ZNF131: variants seen among roughly 807,000 people sequenced by gnomAD.
ZNF131 encodes the protein zinc finger protein 131.
A neutral mutation model predicts 60.0 loss-of-function variants in ZNF131; 7 were observed. The ratio of observed to expected loss-of-function variants is 0.12; its 90% CI spans 0.07 to 0.22. The LOEUF is 0.22. Among genes scored for constraint, ZNF131 ranks in the 10% least tolerant of loss-of-function variants. The pLI, the probability that ZNF131 is intolerant of heterozygous loss-of-function variation, is 1.00. For missense variants in ZNF131, 493 were observed against 740.9 expected, an observed-to-expected ratio of 0.67 and a Z score of 3.88; for synonymous variants, 257 against 253.2, an observed-to-expected ratio of 1.01 and a Z score of -0.14.
intron 4 of ZNF131, among the ~76,000 whole-genome samples, chr5:43,143,057 A>G (rs1278460895): frequency 2.9e-5 from 4 of 138,864 alleles, no homozygotes; most frequent in Non-Finnish European, 6.1e-5. Context: ...ACAGAGTCTC[A>G]CTGTTACCAG....
chr5:43,121,637 CGTT>C (rs1450482116), intron 1 of ZNF131: 1 of 152,164 alleles, frequency 6.6e-6, no homozygotes, highest in Non-Finnish European at 1.4e-5. Flanking sequence ...ACCCGAGAGT[CGTT>C]GTGGGTCGCG....
Position 43,122,159 on chromosome 5 carries a change from A to G in ZNF131, c.106A>G (p.Ile36Val), listed in dbSNP as rs760947665. ...EQREQDRFTD[I>V]TLIVDGHHFK... ...GCGAGAGCAGGACCGGTTTACTGACATCACCCTAATTGTCGACGGTGGGTA... is the reference window on the plus strand; with the variant it reads ...GCGAGAGCAGGACCGGTTTACTGACGTCACCCTAATTGTCGACGGTGGGTA... The change falls in exon 2 of 7, where the codon ATC becomes GTC. Residue 36 changes from isoleucine to valine, a missense_variant. Coordinates refer to ENST00000682664, the MANE Select transcript of ZNF131 (RefSeq NM_001330707.2). 3 of 1,613,452 alleles carry G rather than the reference A, an allele frequency of 1.9e-6. No individual in the cohort carries two copies. The highest frequency in any genetic ancestry group is 2.5e-6 in the Non-Finnish European group (3 of 1,179,904).
chr5:43,149,174 G>GT (rs1747989459), intron 4 of ZNF131, among the ~76,000 whole-genome samples: 1 of 152,232 alleles, frequency 6.6e-6, no homozygotes, highest in Admixed American at 6.5e-5. Context: ...GGGAGGCTGA[G>GT]GGGGGAGAAT....
intron 3 of ZNF131, among the ~76,000 whole-genome samples, chr5:43,135,375 A>G (rs1313337846): frequency 6.6e-6 from 1 of 152,188 alleles, no homozygotes; most frequent in Non-Finnish European, 1.5e-5. Flanking sequence ...TTGACACCAT[A>G]AAGAATAAAG....
chr5:43,142,178 A>G (rs1746925859), intron 4 of ZNF131, among the ~76,000 whole-genome samples: 1 of 151,292 alleles, frequency 6.6e-6, no homozygotes, highest in Admixed American at 6.6e-5. Flanking sequence ...CATCTCTACT[A>G]AAAATACAAA....
At chr5:43,161,217 G>C in intron 4 of ZNF131, 32 bp from the exon 5 acceptor site, 1 of 1,536,246 alleles carries the variant, frequency 6.5e-7, no homozygotes, top group Non-Finnish European at 8.7e-7. Flanking sequence ...TCTTCTTATA[G>C]ATTTTTTAAA....
chr5:43,130,263 C>CAAAAA lies in ZNF131; in HGVS notation c.226+6953_226+6954insAAAAA, dbSNP rs765959932. On this transcript the variant is annotated intron_variant, in intron 3 of 6. Transcript: ENST00000682664. ...TGAGCGATAGAGTAAGACTCTGTCT[C>CAAAAA]CAAAAAAAAAAAAAAAAAAGAGGAA... 6.9e-4 allele frequency among the ~76,000 whole-genome samples: 23 copies of CAAAAA among 33,156 alleles called. 2 individuals are homozygous for CAAAAA. The highest frequency in any genetic ancestry group is 2.6e-3 in the South Asian group (1 of 390). 21.8% of individuals were successfully genotyped at this position (33,156 alleles called of 152,430 possible). A position where few individuals can be genotyped will look rare whatever the true frequency, so the allele number is the denominator to read the frequency against.
At chr5:43,130,922 G>A (rs951658633) in intron 3 of ZNF131, among the ~76,000 whole-genome samples, 2 of 151,532 alleles carry the variant, frequency 1.3e-5, no homozygotes, top group African/African-American at 4.9e-5. Flanking sequence ...GGAGTGCAGT[G>A]GCATGATCTC....
rs1015755591 is a variant in ZNF131, at chr5:43,131,106, C to G, written c.226+7796C>G. Among the ~76,000 whole-genome samples the G allele has an allele frequency of 6.6e-5, 10 of 152,026 alleles. No homozygotes were observed. In the East Asian group the frequency reaches 1.9e-3, roughly 29 times the overall value. On this transcript the variant is annotated intron_variant, in intron 3 of 6. Transcript: ENST00000682664. ...TCTTGAACTCCTGACCTCAGGTGATCTGTCCATCTTGGCCTCCCAGAGTGC... is the reference window on the plus strand; with the variant it reads ...TCTTGAACTCCTGACCTCAGGTGATGTGTCCATCTTGGCCTCCCAGAGTGC...
intron 3 of ZNF131, among the ~76,000 whole-genome samples, chr5:43,134,714 T>TC (rs1175395314): frequency 9.6e-5 from 14 of 145,594 alleles, no homozygotes; most frequent in African/African-American, 3.6e-4. Flanking sequence ...TTTTTTTTTT[T>TC]TGGGAGACAG....
At position 43,161,373 on chromosome 5, in the gene ZNF131, G is replaced by C. The variant is rs769347409; in HGVS notation, c.496G>C (p.Val166Leu). The C allele has an allele frequency of 1.2e-6, 2 of 1,614,242 alleles. No individual in the cohort carries two copies. The highest frequency in any genetic ancestry group is 1.7e-6 in the Non-Finnish European group (2 of 1,180,038). ...ESLPSAESEPVEIEVEIAEGT... is the reference protein window; with the variant it reads ...ESLPSAESEPLEIEVEIAEGT... ...ATTGCCATCTGCAGAATCAGAACCT[G>C]TTGAAATTGAGGTAGAGATTGCCGA... Residue 166 changes from valine to leucine, a missense_variant, in exon 5 of 7, where the codon GTT becomes CTT. Physicochemically the swap from Val to Leu is conservative, Grantham distance 32 (BLOSUM62 1). Coordinates refer to ENST00000682664, the MANE Select transcript of ZNF131 (RefSeq NM_001330707.2).
At chr5:43,144,056 G>A (rs1747237435) in intron 4 of ZNF131, among the ~76,000 whole-genome samples, 1 of 150,610 alleles carries the variant, frequency 6.6e-6, no homozygotes, top group African/African-American at 2.4e-5. Flanking sequence ...CCGAGTAGCT[G>A]GGACTACAGG....
chr5:43,159,433 C>A (rs148047511), intron 4 of ZNF131, among the ~76,000 whole-genome samples: 1 of 152,072 alleles, frequency 6.6e-6, no homozygotes, highest in African/African-American at 2.4e-5. Flanking sequence ...GTGGCTCTTA[C>A]CGGTAATTCC....
intron 4 of ZNF131, among the ~76,000 whole-genome samples, chr5:43,158,406 C>T (rs1209643725): frequency 6.6e-6 from 1 of 152,216 alleles, no homozygotes; most frequent in Non-Finnish European, 1.5e-5. Flanking sequence ...TCTCCTGCCT[C>T]AGCCTCCCAA....
Position 43,161,771 on chromosome 5 carries a change from T to G in ZNF131, c.894T>G (p.Leu298=). ...FKCEICNKRY[L]RESAWKQHLN... The stretch of plus-strand genomic sequence containing the variant: ...GTGAAATATGCAATAAACGATATCT[T>G]CGAGAGAGCGCATGGAAACAGCACC... Residue 298 remains leucine (L), a synonymous_variant, in exon 5 of 7, where the codon CTT becomes CTG. Coordinates refer to ENST00000682664, the MANE Select transcript of ZNF131 (RefSeq NM_001330707.2). The G allele has an allele frequency of 6.2e-7, 1 of 1,614,204 alleles. No individual in the cohort carries two copies. Among genetic ancestry groups the G allele is most frequent in the Non-Finnish European group, 8.5e-7 (1 of 1,180,038 alleles).
At position 43,122,050 on chromosome 5, in the gene ZNF131, G is replaced by A. The variant is rs754371005; in HGVS notation, c.-4G>A. 6.2e-7 allele frequency: 1 copy of A among 1,613,780 alleles called. No individual in the cohort carries two copies. The highest frequency in any genetic ancestry group is 1.1e-5 in the South Asian group (1 of 91,024). On this transcript the variant is annotated 5_prime_UTR_variant, in exon 2 of 7. Transcript: ENST00000682664. The stretch of plus-strand genomic sequence containing the variant: ...CTCTTCTTTTGTAGAGCAGCCCGAC[G>A]GCCATGGAGGCTGAAGAGACGATGG...
intron 4 of ZNF131, among the ~76,000 whole-genome samples, chr5:43,154,446 G>T (rs1188959084): frequency 3.9e-5 from 6 of 152,030 alleles, no homozygotes; most frequent in Non-Finnish European, 7.4e-5. Context: ...AGAAATGTCG[G>T]CAATGGTGAA....
intron 3 of ZNF131, among the ~76,000 whole-genome samples, chr5:43,137,890 T>C (rs1746331927): frequency 6.6e-6 from 1 of 152,342 alleles, no homozygotes; most frequent in Non-Finnish European, 1.5e-5. Flanking sequence ...ACTATTCAGC[T>C]CTTAAGAACA....
At chr5:43,133,364 C>T (rs1745611853) in intron 3 of ZNF131, among the ~76,000 whole-genome samples, 1 of 152,088 alleles carries the variant, frequency 6.6e-6, no homozygotes, top group African/African-American at 2.4e-5. Context: ...ACTCGGGAGC[C>T]TGAGGCAGGA....
Sources: gnomAD v4.1 joint callset for allele counts (sites outside exome capture counted in the v4.1 genomes callset) on GRCh38, gnomAD v4.1.1 for gene constraint, MANE v1.5 for transcripts, NCBI Gene and HGNC (gene_info 2026-07-23, HGNC 2026-07-21) for gene names.